RPS6KA3: variants seen among roughly 807,000 people sequenced by gnomAD.
RPS6KA3 encodes the protein ribosomal protein S6 kinase alpha-3.
Under a neutral mutation model 67.2 loss-of-function variants are expected in RPS6KA3, and 4 were observed. The ratio of observed to expected loss-of-function variants is 0.06; its 90% confidence interval spans 0.03 to 0.14. The LOEUF is 0.14. Ranked by LOEUF, RPS6KA3 falls within the 10% of genes least tolerant of loss-of-function variation. The pLI, the probability that RPS6KA3 is intolerant of heterozygous loss-of-function variation, is 1.00. For synonymous variants in RPS6KA3, 182 were observed against 183.7 expected (o/e 0.99, Z 0.07); for missense variants, 204 against 559.0 (o/e 0.36, Z 6.40).
At chrX:20,226,034 T>C (rs935280067) in intron 2 of RPS6KA3, among the ~76,000 whole-genome samples, 1 of 110,519 alleles carries the variant, frequency 9.0e-6, no homozygotes, top group East Asian at 2.8e-4. Flanking sequence ...ATACAAAAAT[T>C]AGCTGAGTGT....
intron 2 of RPS6KA3, among the ~76,000 whole-genome samples, chrX:20,228,255 C>T (rs1354999377): frequency 8.9e-6 from 1 of 111,875 alleles, no homozygotes; most frequent in African/African-American, 3.3e-5. Flanking sequence ...TAAATATTTG[C>T]GTGAGGCATT....
chrX:20,200,692 TA>T, intron 4 of RPS6KA3, among the ~76,000 whole-genome samples: 1 of 111,432 alleles, frequency 9.0e-6, no homozygotes, highest in East Asian at 2.8e-4. Context: ...TTTTCCTTAT[TA>T]AAAAAAATTT....
chrX:20,182,261 GTT>G (rs2067861806), intron 10 of RPS6KA3, among the ~76,000 whole-genome samples: 1 of 111,669 alleles, frequency 9.0e-6, no homozygotes, highest in Non-Finnish European at 1.9e-5. Flanking sequence ...CTATGCTTTA[GTT>G]TTGCCTGCTT....
At chrX:20,234,215 A>C (rs2069348444) in intron 2 of RPS6KA3, among the ~76,000 whole-genome samples, 2 of 112,794 alleles carry the variant, frequency 1.8e-5, no homozygotes, top group Non-Finnish European at 1.9e-5. Flanking sequence ...GCCTGTAATC[A>C]CAGCACTCTG....
intron 4 of RPS6KA3, among the ~76,000 whole-genome samples, chrX:20,202,688 T>A (rs1343894892): frequency 8.9e-6 from 1 of 112,286 alleles, no homozygotes; most frequent in Non-Finnish European, 1.9e-5. Flanking sequence ...CCTTTCCTGG[T>A]AACTTTTAGG....
chrX:20,253,795 C>T (rs990753491), intron 1 of RPS6KA3, among the ~76,000 whole-genome samples: 1 of 111,050 alleles, frequency 9.0e-6, no homozygotes, highest in African/African-American at 3.3e-5. Flanking sequence ...TTGTTTCATG[C>T]TATTAAACTT....
Position 20,163,666 on chromosome X carries a change from T to TTTA in RPS6KA3, c.1765-629_1765-627dup, listed in dbSNP as rs752235708. Among the ~76,000 whole-genome samples, 355 of 109,313 alleles carry TTTA rather than the reference T, an allele frequency of 3.2e-3. 2 individuals carry two copies. Among genetic ancestry groups the TTTA allele is most frequent in the Non-Finnish European group, 4.4e-3 (230 of 52,499 alleles). 94.9% of individuals were successfully genotyped at this position (109,313 alleles called of 115,157 possible). ...AACCTGGGCAACACAGCAAGACCTC[T>TTTA]TTATTATTATTATTATTATTGAGAC... is the stretch of plus-strand genomic sequence containing the variant. On this transcript the variant is annotated intron_variant, in intron 18 of 21. Coordinates refer to ENST00000379565, the MANE Select transcript of RPS6KA3 (RefSeq NM_004586.3).
At chrX:20,214,284 GTC>G (rs1022846198) in intron 2 of RPS6KA3, among the ~76,000 whole-genome samples, 1 of 111,711 alleles carries the variant, frequency 9.0e-6, no homozygotes, top group African/African-American at 3.3e-5. Flanking sequence ...AGTTTTCTAT[GTC>G]TCTTTCTTAG....
At chrX:20,210,697 T>C (rs1330620771) in intron 2 of RPS6KA3, among the ~76,000 whole-genome samples, 1 of 111,801 alleles carries the variant, frequency 8.9e-6, no homozygotes, top group African/African-American at 3.3e-5. Context: ...AGTTCAATCA[T>C]ATTGGACTCC....
Position 20,183,001 on chromosome X carries a change from T to C in RPS6KA3, c.845+3295A>G, listed in dbSNP as rs141411269. 2.6e-3 allele frequency among the ~76,000 whole-genome samples: 284 copies of C among 111,225 alleles called. 3 individuals carry two copies. The highest frequency in any genetic ancestry group is 0.016 in the South Asian group (43 of 2,629). ...GTATGCAGTGATATTTCCTTGTGAT[T>C]TTAATTTGCATTTTCTGATTAACGA... On this transcript the variant is annotated intron_variant, in intron 10 of 21. Transcript: ENST00000379565.
intron 1 of RPS6KA3, among the ~76,000 whole-genome samples, chrX:20,240,325 G>C (rs867013088): frequency 3.9e-4 from 30 of 76,227 alleles, no homozygotes; most frequent in Non-Finnish European, 5.7e-4. Flanking sequence ...CCACCCTCAG[G>C]TTTCCACAAG....
intron 15 of RPS6KA3, among the ~76,000 whole-genome samples, chrX:20,171,490 G>A (rs1467300890): frequency 1.8e-5 from 2 of 111,832 alleles, no homozygotes; most frequent in Non-Finnish European, 3.8e-5. Context: ...CACACTGGGA[G>A]GGGTCGTTTT....
chrX:20,176,239 T>C lies in RPS6KA3; in HGVS notation c.1102+11A>G. 3.9e-6 allele frequency: 4 copies of C among 1,025,401 alleles called. No homozygotes were observed. Among genetic ancestry groups the C allele is most frequent in the Non-Finnish European group, 5.5e-6 (4 of 725,677 alleles). The allele number at this position is 1,025,401 out of a possible 1,213,427, so 84.5% of individuals were successfully genotyped here. ...TTGTCTTATATTTGGATTTTCACAT[T>C]TTCTCCTTACCTTTGGGAGTTTTTG... On this transcript the variant is annotated intron_variant, in intron 13 of 21. Coordinates refer to ENST00000379565, the MANE Select transcript of RPS6KA3 (RefSeq NM_004586.3).
At chrX:20,203,499 G>A (rs1384375713) in intron 4 of RPS6KA3, 4 of 111,535 alleles carry the variant, frequency 3.6e-5, no homozygotes, top group Non-Finnish European at 7.4e-5. Context: ...CTAACCTCAG[G>A]TGATCCGCCT....
In RPS6KA3 at chrX:20,234,825, C is replaced by T; in HGVS notation, c.70-11G>A. The T allele has an allele frequency of 8.4e-7, 1 of 1,184,043 alleles. No homozygotes were observed. On this transcript the variant is annotated splice_polypyrimidine_tract_variant and intron_variant, in intron 1 of 21. Coordinates refer to ENST00000379565, the MANE Select transcript of RPS6KA3 (RefSeq NM_004586.3). The stretch of plus-strand genomic sequence containing the variant: ...AATTTGCTGTCCATTCTGTGAAAAG[C>T]ACAGCAAGCAGGAAGTTACCAAAAC...
intron 2 of RPS6KA3, among the ~76,000 whole-genome samples, chrX:20,220,347 G>A (rs1286251681): frequency 1.8e-5 from 2 of 111,526 alleles, no homozygotes; most frequent in Non-Finnish European, 3.8e-5. Flanking sequence ...GTTTAAAAAC[G>A]CATGCTTCAG....
intron 2 of RPS6KA3, among the ~76,000 whole-genome samples, chrX:20,224,926 A>G (rs1051713135): frequency 1.8e-5 from 2 of 110,926 alleles, no homozygotes; most frequent in East Asian, 2.8e-4. Flanking sequence ...CTGTCCACAC[A>G]TTTTTTTTCT....
chrX:20,262,831 T>C (rs966015565), intron 1 of RPS6KA3, among the ~76,000 whole-genome samples: 3 of 111,497 alleles, frequency 2.7e-5, no homozygotes, highest in African/African-American at 9.8e-5. Flanking sequence ...ATTTTCCCTA[T>C]AGATAAAATA....
intron 2 of RPS6KA3, chrX:20,218,664 A>C (rs1198954095): frequency 4.3e-6 from 2 of 461,909 alleles, no homozygotes; most frequent in East Asian, 7.9e-5. Context: ...TATCCTTTAA[A>C]AGTTCTATCA....
Sources: allele counts gnomAD v4.1 joint callset (sites outside exome capture counted in the v4.1 genomes callset), GRCh38; gene constraint gnomAD v4.1.1; transcripts MANE v1.5; gene names NCBI Gene and HGNC (gene_info 2026-07-23, HGNC 2026-07-21).